ZNF208: variants seen among roughly 807,000 people sequenced by gnomAD.
ZNF208 encodes the protein zinc finger protein 208.
Under a neutral mutation model 12.1 loss-of-function variants are expected in ZNF208, and 10 were observed. The ratio of observed to expected loss-of-function variants is 0.83; its 90% confidence interval spans 0.51 to 1.40. ZNF208 has a LOEUF of 1.40. ZNF208 is among the 40% of genes most tolerant of loss of function. The pLI is 0.00. For synonymous variants in ZNF208, 497 were observed against 488.4 expected (o/e 1.02, Z -0.23); for missense variants, 1,652 against 1,485.0 (o/e 1.11, Z -1.85).
At position 21,974,667 on chromosome 19, in the gene ZNF208, A is replaced by C; in HGVS notation, c.367T>G (p.Cys123Gly). 6.2e-7 allele frequency: 1 copy of C among 1,613,662 alleles called. No homozygotes were observed. The highest frequency in any genetic ancestry group is 8.5e-7 in the Non-Finnish European group (1 of 1,179,784). ...LKIGYTNVDE[C>G]KVHKEGYNKL... Reference sequence around the variant, plus strand: ...TTATAACCTTCTTTGTGCACCTTACACTCATCCACATTGGTATAACCAATT... The same window carrying C: ...TTATAACCTTCTTTGTGCACCTTACCCTCATCCACATTGGTATAACCAATT... The change falls in exon 4 of 4, where the codon TGT becomes GGT. Residue 123 changes from cysteine (C) to glycine (G), a missense_variant. Cys to Gly is a radical substitution (Grantham distance 159). Coordinates refer to ENST00000397126, the MANE Select transcript of ZNF208 (RefSeq NM_007153.3).
chr19:22,007,975 G>A (rs369495774), intron 1 of ZNF208, among the ~76,000 whole-genome samples: 7 of 137,530 alleles, frequency 5.1e-5, no homozygotes, highest in African/African-American at 2.0e-4. Context: ...CTGCAGTCCA[G>A]CCTGGGTGAC....
chr19:21,946,953 TC>T lies in ZNF208; in HGVS notation c.306-13717del, dbSNP rs372149452. On this transcript the variant is annotated intron_variant, in intron 4 of 4. Coordinates refer to the ZNF208 transcript ENST00000599916. ...ACAAGAACTTCCAGTCTTTTTTTTT[TC>T]ATTTCATTTTTTTTCTTCTTCTTCT... 2.6e-3 allele frequency among the ~76,000 whole-genome samples: 390 copies of T among 151,736 alleles called. 2 individuals carry two copies. Among genetic ancestry groups the T allele is most frequent in the African/African-American group, 9.1e-3 (376 of 41,444 alleles).
chr19:21,982,502 A>G (rs894654111), intron 3 of ZNF208, among the ~76,000 whole-genome samples: 1 of 151,878 alleles, frequency 6.6e-6, no homozygotes, highest in Admixed American at 6.6e-5. Flanking sequence ...ACAGAATTAG[A>G]AAAAAAACCG....
chr19:21,951,403 T>C (rs913739394), intron 4 of ZNF208, among the ~76,000 whole-genome samples: 1 of 152,214 alleles, frequency 6.6e-6, no homozygotes, highest in African/African-American at 2.4e-5. Context: ...TAAAAAATTA[T>C]AAGAAGGCAT....
chr19:21,985,086 A>G (rs1970611287), intron 3 of ZNF208, among the ~76,000 whole-genome samples: 1 of 152,242 alleles, frequency 6.6e-6, no homozygotes, highest in Non-Finnish European at 1.5e-5. Context: ...AAAGCAGAAA[A>G]TATTCTACCA....
intron 3 of ZNF208, among the ~76,000 whole-genome samples, chr19:21,980,711 A>G (rs1454415384): frequency 2.0e-5 from 3 of 152,150 alleles, no homozygotes; most frequent in African/African-American, 7.2e-5. Flanking sequence ...AGAAATAACT[A>G]AGAAAAGAGC....
chr19:21,949,842 G>A (rs1969864526), intron 4 of ZNF208, among the ~76,000 whole-genome samples: 1 of 152,172 alleles, frequency 6.6e-6, no homozygotes, highest in Non-Finnish European at 1.5e-5. Context: ...AGGCCACGAG[G>A]TTAACAATGG....
At chr19:22,010,688 T>TGTG in intron 1 of ZNF208, 104 bp downstream of exon 1, 2 of 1,564,098 alleles carry the variant, frequency 1.3e-6, no homozygotes, top group Non-Finnish European at 1.8e-6. Context: ...GGGGCACAGA[T>TGTG]GTGGAGCTGA....
At chr19:21,958,107 GT>G (rs752341719) in intron 4 of ZNF208, among the ~76,000 whole-genome samples, 6 of 151,246 alleles carry the variant, frequency 4.0e-5, no homozygotes, top group Non-Finnish European at 8.8e-5. Context: ...TCTTGTGATA[GT>G]TTACTGAGAA....
chr19:21,967,857 A>G lies in ZNF208; in HGVS notation c.*3334T>C, dbSNP rs554249789. Reference sequence around the variant, plus strand: ...TTTAGGCAGAATGACCATTTTAATTATATTATTTGAATCCATGAGCAATAT... The same window carrying G: ...TTTAGGCAGAATGACCATTTTAATTGTATTATTTGAATCCATGAGCAATAT... On this transcript the variant is annotated 3_prime_UTR_variant, in exon 4 of 4. Coordinates refer to ENST00000397126, the MANE Select transcript of ZNF208 (RefSeq NM_007153.3). 3 of 152,270 alleles carry G rather than the reference A, an allele frequency of 2.0e-5. No homozygotes were observed. The highest frequency in any genetic ancestry group is 4.1e-4 in the South Asian group (2 of 4,832). The allele number at this position is 152,270 out of a possible 1,614,324, so 9.4% of individuals were successfully genotyped here.
chr19:21,948,530 C>T (rs182226706), intron 4 of ZNF208, among the ~76,000 whole-genome samples: 1 of 152,252 alleles, frequency 6.6e-6, no homozygotes, highest in East Asian at 1.9e-4. Context: ...TCTGGTTGTG[C>T]CACTGAAGAA....
At chr19:21,964,918 C>T (rs1245844061), downstream of ZNF208, among the ~76,000 whole-genome samples, 1 of 151,766 alleles carries the variant, frequency 6.6e-6, no homozygotes. Flanking sequence ...ATCATTCTAA[C>T]AACATTTCTT....
chr19:21,956,966 T>A (rs541879059), intron 4 of ZNF208, among the ~76,000 whole-genome samples: 2 of 151,868 alleles, frequency 1.3e-5, no homozygotes, highest in Non-Finnish European at 3.0e-5. Context: ...ATCTTGGGAC[T>A]TCTATCAACT....
At position 21,968,279 on chromosome 19, in the gene ZNF208, A is replaced by G. The variant is rs1970208157; in HGVS notation, c.*2912T>C. 6.6e-6 allele frequency: 1 copy of G among 152,002 alleles called. No individual in the cohort carries two copies. Among genetic ancestry groups the G allele is most frequent in the South Asian group, 2.1e-4 (1 of 4,814 alleles). 9.4% of individuals were successfully genotyped at this position (152,002 alleles called of 1,614,324 possible). On this transcript the variant is annotated 3_prime_UTR_variant, in exon 4 of 4. Coordinates refer to ENST00000397126, the MANE Select transcript of ZNF208 (RefSeq NM_007153.3). ...AGGACTGTTTAGAATGGATATTCTT[A>G]TTTTTATTCTCATGGAGAATGCTTC...
downstream of ZNF208, among the ~76,000 whole-genome samples, chr19:21,964,914 C>G (rs1185996725): frequency 6.6e-6 from 1 of 151,842 alleles, no homozygotes; most frequent in African/African-American, 2.4e-5. Flanking sequence ...AAAAATCATT[C>G]TAACAACATT....
In ZNF208 at chr19:21,969,926, C is replaced by T. The variant is rs567257211; in HGVS notation, c.*1265G>A. ...ATTAACAAAAATTTTTTTTTCCAGA[C>T]AGTCTCTCTCTGTTGCCCAGGCTAG... On this transcript the variant is annotated 3_prime_UTR_variant, in exon 4 of 4. Coordinates refer to ENST00000397126, the MANE Select transcript of ZNF208 (RefSeq NM_007153.3). 3.3e-5 allele frequency among the ~76,000 whole-genome samples: 5 copies of T among 152,018 alleles called. No homozygotes were observed. Among genetic ancestry groups the T allele is most frequent in the Non-Finnish European group, 7.4e-5 (5 of 67,990 alleles).
rs537780727 is a variant in ZNF208, at chr19:21,968,453, T to C, written c.*2738A>G. On this transcript the variant is annotated 3_prime_UTR_variant, in exon 4 of 4. Coordinates refer to ENST00000397126, the MANE Select transcript of ZNF208 (RefSeq NM_007153.3). ...TGCTTTTTCTGCCCCTACTGTTATT[T>C]TTTTTTCTTTTAATTATCTTTACAT... 2.0e-5 allele frequency: 3 copies of C among 152,072 alleles called. No individual in the cohort carries two copies. The South Asian group carries it at 6.2e-4, about 31-fold the overall frequency. The allele number at this position is 152,072 out of a possible 1,614,324, so 9.4% of individuals were successfully genotyped here.
At chr19:21,956,656 C>T (rs185090905) in intron 4 of ZNF208, among the ~76,000 whole-genome samples, 62 of 152,266 alleles carry the variant, frequency 4.1e-4, no homozygotes, top group African/African-American at 1.3e-3. Flanking sequence ...GATATAATCT[C>T]CTGGTGTGCC....
At chr19:21,987,064 C>T in intron 3 of ZNF208, 152 bp downstream of exon 3, 1 of 707,624 alleles carries the variant, frequency 1.4e-6, no homozygotes, top group Non-Finnish European at 2.2e-6. Flanking sequence ...GAAGATGCCC[C>T]TGTGTGAGAG....
Sources: gnomAD v4.1 joint callset for allele counts (sites outside exome capture counted in the v4.1 genomes callset) on GRCh38, gnomAD v4.1.1 for gene constraint, MANE v1.5 for transcripts, NCBI Gene and HGNC (gene_info 2026-07-23, HGNC 2026-07-21) for gene names.